The following USP10 variants were observed in gnomAD, a reference collection of about 807,000 sequenced individuals.
USP10 encodes ubiquitin carboxyl-terminal hydrolase 10.
In USP10, 22 loss-of-function variants were observed where a neutral mutation model predicts 84.5. The observed-to-expected ratio is 0.26, with a 90% CI of 0.19 to 0.37. The LOEUF (loss-of-function observed/expected upper bound fraction) is 0.37. USP10 is among the 10% of genes least tolerant of loss of function. The pLI is 1.00. For synonymous variants in USP10, 454 were observed against 387.6 expected, an observed-to-expected ratio of 1.17 and a Z score of -2.01; for missense variants, 1,019 against 998.9, an observed-to-expected ratio of 1.02 and a Z score of -0.27.
chr16:84,712,694 A>G (rs1906473665), intron 1 of USP10, among the ~76,000 whole-genome samples: 1 of 152,116 alleles, frequency 6.6e-6, no homozygotes, highest in Non-Finnish European at 1.5e-5. Flanking sequence ...TATCACCTTG[A>G]TTGTCATTTC....
intron 1 of USP10, among the ~76,000 whole-genome samples, chr16:84,731,494 A>C (rs1401171302): frequency 6.6e-6 from 1 of 151,860 alleles, no homozygotes; most frequent in Non-Finnish European, 1.5e-5. Flanking sequence ...CATTTTCTGG[A>C]ATTCTTAAGC....
chr16:84,738,166 G>A (rs893749871), intron 2 of USP10, among the ~76,000 whole-genome samples: 3 of 152,162 alleles, frequency 2.0e-5, no homozygotes, highest in African/African-American at 4.8e-5. Context: ...GCAGTCTCTC[G>A]GGTCTGGAGG....
At chr16:84,757,043 A>G (rs1912624686) in intron 4 of USP10, among the ~76,000 whole-genome samples, 1 of 152,166 alleles carries the variant, frequency 6.6e-6, no homozygotes, top group South Asian at 2.1e-4. Flanking sequence ...CTCATCTGTA[A>G]AATGGGGTTG....
In USP10 at chr16:84,700,016, G is replaced by A; in HGVS notation, c.-75G>A. On this transcript the variant is annotated 5_prime_UTR_variant, in exon 1 of 14. Coordinates refer to ENST00000219473, the MANE Select transcript of USP10 (RefSeq NM_005153.3). ...GGCCGATGCGAGTGTGTATGTGCGG[G>A]CGAGAAGATGGCGGCGGCGGGGGAA... 5.3e-6 allele frequency: 7 copies of A among 1,308,632 alleles called. No homozygotes were observed. Among genetic ancestry groups the A allele is most frequent in the South Asian group, 1.4e-5 (1 of 71,600 alleles). The allele number at this position is 1,308,632 out of a possible 1,614,324, so 81.1% of individuals were successfully genotyped here.
intron 1 of USP10, among the ~76,000 whole-genome samples, chr16:84,723,575 A>G (rs1196450527): frequency 1.3e-5 from 2 of 152,072 alleles, no homozygotes; most frequent in East Asian, 1.9e-4. Flanking sequence ...TAAGCTTTTT[A>G]TTTGTGTGGG....
chr16:84,734,653 AT>A (rs747243892), intron 2 of USP10, among the ~76,000 whole-genome samples: 1 of 151,210 alleles, frequency 6.6e-6, no homozygotes, highest in Non-Finnish European at 1.5e-5. Flanking sequence ...AACTGAATTG[AT>A]TTTTTTTTCC....
intron 1 of USP10, 80 bp downstream of exon 1, chr16:84,700,191 C>T (rs1355831815): frequency 2.8e-6 from 3 of 1,090,476 alleles, no homozygotes; most frequent in Non-Finnish European, 3.4e-6. Flanking sequence ...GGCGTCCGCG[C>T]CCTGCCCGGA....
At chr16:84,700,565 C>T (rs949617924) in intron 1 of USP10, among the ~76,000 whole-genome samples, 3 of 152,130 alleles carry the variant, frequency 2.0e-5, no homozygotes, top group East Asian at 3.9e-4. Flanking sequence ...TGGGGGTGCC[C>T]TGTTGCCCCT....
intron 4 of USP10, among the ~76,000 whole-genome samples, chr16:84,747,246 C>A (rs370168248): frequency 7.9e-5 from 12 of 152,152 alleles, no homozygotes; most frequent in East Asian, 3.9e-4. Context: ...TTGGTTTAGG[C>A]TTTCTGTAAT....
intron 1 of USP10, among the ~76,000 whole-genome samples, chr16:84,718,154 G>C (rs1487900076): frequency 6.6e-6 from 1 of 152,190 alleles, no homozygotes. Context: ...AGTGTTGGTA[G>C]TGAAAGTTAG....
chr16:84,759,700 C>G, intron 6 of USP10, 191 bp from the exon 7 acceptor site: 2 of 689,004 alleles, frequency 2.9e-6, no homozygotes, highest in East Asian at 2.7e-5. Context: ...TTAGCGTTTA[C>G]CAGCATATAT....
intron 1 of USP10, among the ~76,000 whole-genome samples, chr16:84,732,784 G>T: frequency 6.6e-6 from 1 of 152,160 alleles, no homozygotes; most frequent in East Asian, 1.9e-4. Flanking sequence ...TGGAGAATAT[G>T]AACTGGTAGG....
chr16:84,737,117 G>C (rs1910038150), intron 2 of USP10, among the ~76,000 whole-genome samples: 1 of 152,186 alleles, frequency 6.6e-6, no homozygotes, highest in South Asian at 2.1e-4. Flanking sequence ...GATTTTAAAG[G>C]AGGGCTTTGT....
chr16:84,715,065 A>G (rs747669577), intron 1 of USP10, among the ~76,000 whole-genome samples: 5 of 151,854 alleles, frequency 3.3e-5, no homozygotes, highest in Non-Finnish European at 7.4e-5. Flanking sequence ...AGTAGCTGGG[A>G]CTACAGGCAT....
rs199903066 is a variant in USP10, at chr16:84,731,785, T to TG, written c.22-1650_22-1649insG. Among the ~76,000 whole-genome samples the TG allele has an allele frequency of 2.0e-3, 309 of 152,198 alleles. 4 individuals are homozygous for TG. Among genetic ancestry groups the TG allele is most frequent in the Admixed American group, 0.019 (283 of 15,296 alleles). The stretch of plus-strand genomic sequence containing the variant: ...ATGATCTCTGATAGCTCTTTTTTTT[T>TG]TGTGATAGTCTGTGCTAATTTTTTC... On this transcript the variant is annotated intron_variant, in intron 1 of 13. Transcript: ENST00000219473.
chr16:84,719,409 G>C (rs1191887125), intron 1 of USP10, among the ~76,000 whole-genome samples: 1 of 152,150 alleles, frequency 6.6e-6, no homozygotes, highest in Non-Finnish European at 1.5e-5. Flanking sequence ...CCAACTGTAA[G>C]TCAGAATCAC....
In USP10 at chr16:84,764,232, C is replaced by G; in HGVS notation, c.1801C>G (p.Pro601Ala). 6.2e-7 allele frequency: 1 copy of G among 1,614,030 alleles called. No homozygotes were observed. The highest frequency in any genetic ancestry group is 8.5e-7 in the Non-Finnish European group (1 of 1,179,896). The change falls in exon 10 of 14, where the codon CCA becomes GCA. Residue 601 changes from proline (P) to alanine (A), a missense_variant. Physicochemically the swap from Pro to Ala is conservative, Grantham distance 27. Around this residue, in one of 2 missense-constraint regions of USP10, gnomAD observed 232 missense variants for 290.1 expected, o/e 0.80. Transcript: ENST00000219473. ...VTRQADFVQT[P>A]ITGIFGGHIR... ...CCGCCAGGCGGATTTTGTTCAGACT[C>G]CAATCACCGGCATTTTTGGTGGACA...
At chr16:84,770,772 CAA>C (rs1241094273) in intron 11 of USP10, among the ~76,000 whole-genome samples, 5 of 31,342 alleles carry the variant, frequency 1.6e-4, no homozygotes, top group Admixed American at 3.2e-4. Context: ...ACTCCGTCCC[CAA>C]AAAAAAAAAA....
At chr16:84,755,869 A>G (rs978868799) in intron 4 of USP10, among the ~76,000 whole-genome samples, 5 of 152,014 alleles carry the variant, frequency 3.3e-5, no homozygotes, top group Admixed American at 1.3e-4. Flanking sequence ...TCATCTGGGT[A>G]TCTTTTACTA....
Sources: gnomAD v4.1 joint callset for allele counts (sites outside exome capture counted in the v4.1 genomes callset) on GRCh38, gnomAD v4.1.1 for gene constraint, gnomAD v4.1.1 regional missense constraint, MANE v1.5 for transcripts, NCBI Gene and HGNC (gene_info 2026-07-23, HGNC 2026-07-21) for gene names.